Variants in DNAH7 observed in about 807,000 individuals in gnomAD.
The protein encoded by DNAH7 is dynein axonemal heavy chain 7.
In DNAH7, 397 loss-of-function variants were observed where a neutral mutation model predicts 444.6. That is an observed-to-expected ratio of 0.89 (90% CI 0.82 to 0.97). The LOEUF (loss-of-function observed/expected upper bound fraction) is 0.97, where lower values mean the gene tolerates loss of function less well. DNAH7 is among the 50% of genes least tolerant of loss of function. The pLI is 0.00. For missense variants in DNAH7, 4,902 were observed against 4,800.8 expected (o/e 1.02, Z -0.62); for synonymous variants, 1,636 against 1,624.4 (o/e 1.01, Z -0.17).
At chr2:195,915,270 A>G (rs1687604966) in intron 24 of DNAH7, among the ~76,000 whole-genome samples, 1 of 152,214 alleles carries the variant, frequency 6.6e-6, no homozygotes, top group Non-Finnish European at 1.5e-5. Flanking sequence ...GGCTACCTGT[A>G]AAAGGTGATG....
At position 195,791,426 on chromosome 2, in the gene DNAH7, A is replaced by G. The variant is rs1695875919; in HGVS notation, c.10716+2912T>C. On this transcript the variant is annotated intron_variant, in intron 57 of 64. Coordinates refer to ENST00000312428, the MANE Select transcript of DNAH7 (RefSeq NM_018897.3). Reference sequence around the variant, plus strand: ...ACACAATGGATGCTGGTGAGGCTGCAGAGAAAAGGGAATGCTTATACACTG... The same window carrying G: ...ACACAATGGATGCTGGTGAGGCTGCGGAGAAAAGGGAATGCTTATACACTG... Among the ~76,000 whole-genome samples, 3 of 151,942 alleles carry G rather than the reference A, an allele frequency of 2.0e-5. No individual in the cohort carries two copies. In the South Asian group the frequency reaches 6.2e-4, roughly 32 times the overall value.
At chr2:195,940,812 C>A (rs1264194906) in intron 19 of DNAH7, among the ~76,000 whole-genome samples, 15 of 152,068 alleles carry the variant, frequency 9.9e-5, no homozygotes, top group African/African-American at 3.6e-4. Flanking sequence ...CAAATCAAAA[C>A]CACAATGAGA....
intron 41 of DNAH7, among the ~76,000 whole-genome samples, chr2:195,863,381 T>C (rs1700134774): frequency 1.3e-5 from 2 of 152,214 alleles, no homozygotes; most frequent in Non-Finnish European, 2.9e-5. Context: ...CATTGTGATA[T>C]GCTGTTAAAG....
intron 10 of DNAH7, among the ~76,000 whole-genome samples, chr2:196,005,985 C>G (rs1362134829): frequency 6.6e-6 from 1 of 151,916 alleles, no homozygotes; most frequent in Non-Finnish European, 1.5e-5. Context: ...AAATCCTCAA[C>G]AAAATACTAG....
At chr2:195,785,288 C>A (rs1695564489) in intron 58 of DNAH7, among the ~76,000 whole-genome samples, 1 of 152,054 alleles carries the variant, frequency 6.6e-6, no homozygotes, top group Non-Finnish European at 1.5e-5. Flanking sequence ...GATAAGAGTC[C>A]TTTTTCGGAT....
intron 5 of DNAH7, among the ~76,000 whole-genome samples, chr2:196,035,787 T>C (rs1218968973): frequency 1.3e-5 from 2 of 149,814 alleles, no homozygotes; most frequent in African/African-American, 4.8e-5. Context: ...GCTGTTCACA[T>C]TTCCACCCAA....
At chr2:195,769,889 C>T (rs1694756290) in intron 61 of DNAH7, among the ~76,000 whole-genome samples, 1 of 152,176 alleles carries the variant, frequency 6.6e-6, no homozygotes, top group African/African-American at 2.4e-5. Flanking sequence ...GCCTTGACTT[C>T]CCTCTTGAAC....
At chr2:195,900,029 G>A (rs1686603018) in intron 28 of DNAH7, among the ~76,000 whole-genome samples, 1 of 152,138 alleles carries the variant, frequency 6.6e-6, no homozygotes, top group Non-Finnish European at 1.5e-5. Flanking sequence ...TTTCTCAGGA[G>A]TAAGCAATTT....
rs558403471 is a variant in DNAH7 at position 195,992,125 on chromosome 2, G to T, written c.1354-3896C>A. Among the ~76,000 whole-genome samples, 15 of 152,306 alleles carry T rather than the reference G, an allele frequency of 9.8e-5. No individual in the cohort carries two copies. In the South Asian group the frequency reaches 2.9e-3, roughly 29 times the overall value. On this transcript the variant is annotated intron_variant, in intron 12 of 64. Transcript: ENST00000312428. ...CTGGCAAAGATAATTACACAAAGCT[G>T]AAAGTAGAGGCAGCTAACCAGATGA...
At position 195,881,912 on chromosome 2, in the gene DNAH7, GATTTCATTAAACATTAC is replaced by G; in HGVS notation, c.5827_5843del (p.Val1943HisfsTer48). ...GAATTGTGTCCAGAGTTGGCACAAT[GATTTCATTAAACATTAC>G]ATCTTTAGGAATTGGAGGAGCTTCT... On this transcript the variant is annotated frameshift_variant, in exon 36 of 65. Coordinates refer to ENST00000312428, the MANE Select transcript of DNAH7 (RefSeq NM_018897.3). LOFTEE classifies it high-confidence loss of function. The G allele has an allele frequency of 1.2e-6, 2 of 1,613,942 alleles. No individual in the cohort carries two copies. The highest frequency in any genetic ancestry group is 1.7e-6 in the Non-Finnish European group (2 of 1,179,882).
intron 45 of DNAH7, among the ~76,000 whole-genome samples, chr2:195,853,836 T>C (rs932973266): frequency 6.6e-6 from 1 of 152,188 alleles, no homozygotes; most frequent in Non-Finnish European, 1.5e-5. Flanking sequence ...CTTCTGCAAA[T>C]ATAGATATTT....
chr2:195,997,921 G>A (rs1159648900), intron 12 of DNAH7, among the ~76,000 whole-genome samples: 3 of 152,290 alleles, frequency 2.0e-5, no homozygotes, highest in Admixed American at 2.0e-4. Flanking sequence ...ACAATGGTGA[G>A]TGGTGATGGT....
intron 51 of DNAH7, among the ~76,000 whole-genome samples, chr2:195,814,627 T>C (rs1697138057): frequency 6.6e-6 from 1 of 152,198 alleles, no homozygotes; most frequent in Non-Finnish European, 1.5e-5. Context: ...CAGATTAACA[T>C]TCTAGTGGTT....
chr2:195,944,052 A>C (rs192881127), intron 19 of DNAH7, among the ~76,000 whole-genome samples: 1 of 152,132 alleles, frequency 6.6e-6, no homozygotes, highest in African/African-American at 2.4e-5. Context: ...ATTATGCAGC[A>C]TAACTGTTTG....
intron 12 of DNAH7, chr2:195,999,156 C>A: frequency 1.4e-6 from 1 of 717,372 alleles, no homozygotes; most frequent in Non-Finnish European, 2.6e-6. Flanking sequence ...AATGAGAGTT[C>A]TGAGGAGACG....
chr2:196,013,138 A>T (rs1212615332), intron 9 of DNAH7, among the ~76,000 whole-genome samples: 1 of 152,188 alleles, frequency 6.6e-6, no homozygotes, highest in African/African-American at 2.4e-5. Flanking sequence ...AAGTAGAAGA[A>T]AGTTGCAATA....
In DNAH7 at chr2:196,058,141, A is replaced by G. The variant is rs779753587; in HGVS notation, c.16-25T>C. 6 of 1,559,146 alleles carry G rather than the reference A, an allele frequency of 3.8e-6. No homozygotes were observed. In the South Asian group the frequency reaches 7.3e-5, roughly 19 times the overall value. On this transcript the variant is annotated intron_variant, in intron 1 of 64. Coordinates refer to ENST00000312428, the MANE Select transcript of DNAH7 (RefSeq NM_018897.3). ...CCTGTATGAAAAACATGAAAAAACAAAACTGTTTACTCCGTTAATGCTAAA... is the reference window on the plus strand; with the variant it reads ...CCTGTATGAAAAACATGAAAAAACAGAACTGTTTACTCCGTTAATGCTAAA...
rs1323977485 is a variant in DNAH7, at chr2:195,756,227, T to G, written c.11492A>C (p.Lys3831Thr). 3 of 1,613,790 alleles carry G rather than the reference T, an allele frequency of 1.9e-6. No homozygotes were observed. Among genetic ancestry groups the G allele is most frequent in the Non-Finnish European group, 2.5e-6 (3 of 1,179,766 alleles). ...EEVVSSILNV[K>T]IPEMWMGKSY... ...TTTACCCATCCACATTTCTGGAATT[T>G]TGACATTCAAAATGCTGCTAACCAC... Residue 3831 changes from lysine (K) to threonine (T), a missense_variant, in exon 62 of 65, where the codon AAA becomes ACA. Physicochemically the swap from Lys to Thr is moderately conservative, Grantham distance 78. Coordinates refer to ENST00000312428, the MANE Select transcript of DNAH7 (RefSeq NM_018897.3).
At chr2:195,902,468 A>C (rs2125272284) in intron 27 of DNAH7, 1 of 152,284 alleles carries the variant, frequency 6.6e-6, no homozygotes, top group East Asian at 1.9e-4. Context: ...TTTTTTAAAG[A>C]ATAAAAGAAT....
Sources: allele counts gnomAD v4.1 joint callset (sites outside exome capture counted in the v4.1 genomes callset), GRCh38; gene constraint gnomAD v4.1.1; transcripts MANE v1.5; gene names NCBI Gene and HGNC (gene_info 2026-07-23, HGNC 2026-07-21).